The following KIF5A variants were observed in gnomAD, a reference collection of about 807,000 sequenced individuals.
The protein encoded by KIF5A is kinesin family member 5A, also known as kinesin heavy chain isoform 5A.
In KIF5A, 35 loss-of-function variants were observed where a neutral mutation model predicts 141.3. That is an observed-to-expected ratio of 0.25 (90% CI 0.19 to 0.33). The LOEUF (loss-of-function observed/expected upper bound fraction) is 0.33, where lower values mean the gene tolerates loss of function less well. Ranked by LOEUF, KIF5A falls within the 10% of genes least tolerant of loss-of-function variation. KIF5A has a pLI of 1.00. For synonymous variants in KIF5A, 448 were observed against 500.2 expected (o/e 0.90, Z 1.39); for missense variants, 861 against 1,314.3 (o/e 0.66, Z 5.33).
chr12:57,567,718 T>C (rs1241145833), intron 8 of KIF5A, 100 bp downstream of exon 8: 6 of 1,272,886 alleles, frequency 4.7e-6, no homozygotes, highest in Non-Finnish European at 6.4e-6. Flanking sequence ...TGGTTTGCAG[T>C]GGCACGATCT....
Position 57,572,268 on chromosome 12 carries a change from G to C in KIF5A, c.1569+1G>C, listed in dbSNP as rs755726951. 1.3e-6 allele frequency: 2 copies of C among 1,581,034 alleles called. No individual in the cohort carries two copies. ...GGTGGATGAGCTGTCTCAGAAGGTG[G>C]TAAGTGGTGTGCCAATGGTCCAACA... is the stretch of plus-strand genomic sequence containing the variant. On this transcript the variant is annotated splice_donor_variant, in intron 14 of 28. Transcript: ENST00000455537. LOFTEE classifies it high-confidence loss of function. The surrounding 1 kb of genome is among the most constrained non-coding windows in gnomAD (Gnocchi z 4.2).
At chr12:57,577,848 C>A in intron 21 of KIF5A, 75 bp downstream of exon 21, 1 of 1,365,046 alleles carries the variant, frequency 7.3e-7, no homozygotes, top group Non-Finnish European at 1.0e-6. Flanking sequence ...AACCCTATTC[C>A]TCCTGCCCTT....
Position 57,581,544 on chromosome 12 carries a change from C to T in KIF5A, c.2885C>T (p.Thr962Ile). 6.2e-7 allele frequency: 1 copy of T among 1,614,164 alleles called. No homozygotes were observed. The highest frequency in any genetic ancestry group is 8.5e-7 in the Non-Finnish European group (1 of 1,180,036). The stretch of plus-strand genomic sequence containing the variant: ...TACCAGAATCTCTACCTGCAGGCCA[C>T]ACCCAGCTCCACCTCAGATATGTAG... ...QNYQNLYLQA[T>I]PSSTSDMYFA... Residue 962 changes from threonine (T) to isoleucine (I), a missense_variant, in exon 25 of 29, where the codon ACA (threonine) becomes ATA (isoleucine). Physicochemically the swap from Thr to Ile is moderately conservative, Grantham distance 89 (BLOSUM62 -1). Around this residue, in one of 5 missense-constraint regions of KIF5A, gnomAD observed 482 missense variants for 661.3 expected, o/e 0.73. Coordinates refer to ENST00000455537, the MANE Select transcript of KIF5A (RefSeq NM_004984.4).
chr12:57,568,559 C>T (rs1046525616), intron 8 of KIF5A, among the ~76,000 whole-genome samples: 1 of 152,086 alleles, frequency 6.6e-6, no homozygotes, highest in Non-Finnish European at 1.5e-5. Context: ...AACCCCATCT[C>T]TACAAAAAAT....
At chr12:57,571,935 AC>A in intron 13 of KIF5A, 125 bp from the exon 14 acceptor site, 1 of 779,510 alleles carries the variant, frequency 1.3e-6, no homozygotes. Flanking sequence ...TTTCTATGAA[AC>A]CTAAAGCCCA....
At chr12:57,552,074 C>T (rs183938943) in intron 1 of KIF5A, among the ~76,000 whole-genome samples, 3 of 152,288 alleles carry the variant, frequency 2.0e-5, no homozygotes, top group East Asian at 1.9e-4. Flanking sequence ...CTCAGAGTGT[C>T]CTGGATAGCC....
At chr12:57,563,735 A>G (rs1461949682) in intron 3 of KIF5A, 42 bp downstream of exon 3, 2 of 1,552,342 alleles carry the variant, frequency 1.3e-6, no homozygotes, top group Non-Finnish European at 1.8e-6. Flanking sequence ...TAGGAGTGTT[A>G]ATGGAAGATC....
In KIF5A at chr12:57,584,242, TCTC is replaced by T. The variant is rs1882691626; in HGVS notation, c.*62_*64del. ...GTTTCTAAGAGGGACTGAGGCCTCT[TCTC>T]AGCATGCTGCAAACCTGTGGTCTCT... On this transcript the variant is annotated 3_prime_UTR_variant, in exon 29 of 29. Transcript: ENST00000455537. 6.6e-6 allele frequency: 1 copy of T among 152,652 alleles called. No homozygotes were observed. The highest frequency in any genetic ancestry group is 2.4e-5 in the African/African-American group (1 of 41,436). 9.5% of individuals were successfully genotyped at this position (152,652 alleles called of 1,614,324 possible). A position where few individuals can be genotyped will look rare whatever the true frequency, so the allele number is the denominator to read the frequency against.
Position 57,550,282 on chromosome 12 carries a change from C to T in KIF5A, c.11C>T (p.Thr4Ile). Reference protein sequence around the residue: MAETNNECSIKVLC... With the variant: MAEINNECSIKVLC... ...ACGCCGGCTACCACCATGGCGGAGA[C>T]CAACAACGAATGTAGCATCAAGGTG... The change falls in exon 1 of 29, where the codon ACC (threonine) becomes ATC (isoleucine). Residue 4 changes from threonine to isoleucine, a missense_variant. Physicochemically the swap from Thr to Ile is moderately conservative, Grantham distance 89. This residue lies in a region of KIF5A where 59 missense variants were observed against 81.1 expected (regional missense o/e 0.73). Coordinates refer to ENST00000455537, the MANE Select transcript of KIF5A (RefSeq NM_004984.4). The surrounding 1 kb of genome is among the most constrained non-coding windows in gnomAD (Gnocchi z 4.6). 6.2e-7 allele frequency: 1 copy of T among 1,614,140 alleles called. No homozygotes were observed. Among genetic ancestry groups the T allele is most frequent in the Non-Finnish European group, 8.5e-7 (1 of 1,180,024 alleles).
intron 1 of KIF5A, among the ~76,000 whole-genome samples, chr12:57,558,715 C>T (rs1881820285): frequency 6.6e-6 from 1 of 152,164 alleles, no homozygotes; most frequent in East Asian, 1.9e-4. Context: ...AAACCCAAAA[C>T]AAAACAGAGT....
intron 25 of KIF5A, 98 bp from the exon 26 acceptor site, chr12:57,581,772 C>G: frequency 7.7e-7 from 1 of 1,304,646 alleles, no homozygotes; most frequent in Admixed American, 1.7e-5. Flanking sequence ...ATGGGGAGGG[C>G]TGAGCAGCTC....
At chr12:57,582,492 T>C in intron 26 of KIF5A, 110 bp from the exon 27 acceptor site, 1 of 872,242 alleles carries the variant, frequency 1.1e-6, no homozygotes, top group Non-Finnish European at 2.0e-6. Context: ...TCACAGCTTA[T>C]CTTTTTCTCT....
intron 1 of KIF5A, among the ~76,000 whole-genome samples, chr12:57,552,822 C>A (rs1344751164): frequency 3.9e-5 from 6 of 152,134 alleles, no homozygotes; most frequent in Non-Finnish European, 8.8e-5. Flanking sequence ...CCCAATGCAG[C>A]CCCTACTCCT....
At chr12:57,583,370 G>T (rs1389394770) in intron 28 of KIF5A, among the ~76,000 whole-genome samples, 155 bp downstream of exon 28, 1 of 152,074 alleles carries the variant, frequency 6.6e-6, no homozygotes, top group Non-Finnish European at 1.5e-5. Context: ...CCTGTTGGGG[G>T]CTACACCTGT....
At position 57,580,870 on chromosome 12, in the gene KIF5A, T is replaced by A. The variant is rs2140171329; in HGVS notation, c.2539-86T>A. The A allele has an allele frequency of 3.2e-6, 4 of 1,233,390 alleles. No individual in the cohort carries two copies. In the East Asian group the frequency reaches 9.6e-5, roughly 29 times the overall value. The allele number at this position is 1,233,390 out of a possible 1,614,324, so 76.4% of individuals were successfully genotyped here. Reference sequence around the variant, plus strand: ...CCTGATTTTTCTTTATTCTCTCTCCTCACCCCTGTCCCCTACGCTCCTCTG... The same window carrying A: ...CCTGATTTTTCTTTATTCTCTCTCCACACCCCTGTCCCCTACGCTCCTCTG... On this transcript the variant is annotated intron_variant, in intron 23 of 28. Coordinates refer to ENST00000455537, the MANE Select transcript of KIF5A (RefSeq NM_004984.4).
chr12:57,553,150 G>A (rs1336209371), intron 1 of KIF5A, among the ~76,000 whole-genome samples: 1 of 152,130 alleles, frequency 6.6e-6, no homozygotes, highest in African/African-American at 2.4e-5. Flanking sequence ...TTAAGTGTCT[G>A]TCTTCCTCTG....
chr12:57,557,595 G>A (rs1476127958), intron 1 of KIF5A, among the ~76,000 whole-genome samples: 1 of 151,788 alleles, frequency 6.6e-6, no homozygotes, highest in Non-Finnish European at 1.5e-5. Context: ...ATTTTAATAA[G>A]ATTATATATC....
chr12:57,568,507 C>T (rs1266987331), intron 8 of KIF5A, among the ~76,000 whole-genome samples: 1 of 152,026 alleles, frequency 6.6e-6, no homozygotes, highest in South Asian at 2.1e-4. Context: ...GGGTGGATCA[C>T]CTGAGGTCGG....
In KIF5A at chr12:57,581,228, T is replaced by C. The variant is rs866641836; in HGVS notation, c.2755+56T>C. On this transcript the variant is annotated intron_variant, in intron 24 of 28. Coordinates refer to ENST00000455537, the MANE Select transcript of KIF5A (RefSeq NM_004984.4). ...TATCTCCTGAAGCAAATTTAGCAAA[T>C]TGCTAATTGCCAAGCAACTAGATTA... is the stretch of plus-strand genomic sequence containing the variant. The C allele has an allele frequency of 5.8e-6, 9 of 1,558,506 alleles. No homozygotes were observed. In the African/African-American group the frequency reaches 8.2e-5, roughly 14 times the overall value.
Sources: gnomAD v4.1 joint callset for allele counts (sites outside exome capture counted in the v4.1 genomes callset) on GRCh38, gnomAD v4.1.1 for gene constraint, gnomAD v4.1.1 regional missense constraint, Gnocchi (gnomAD v3.1) non-coding constraint, MANE v1.5 for transcripts, NCBI Gene and HGNC (gene_info 2026-07-23, HGNC 2026-07-21) for gene names.